The following KIAA1549L variants were observed in gnomAD, a reference collection of about 807,000 sequenced individuals.
KIAA1549L encodes UPF0606 protein KIAA1549L.
A neutral mutation model predicts 160.7 loss-of-function variants in KIAA1549L; 88 were observed. The observed-to-expected ratio is 0.55, with a 90% CI of 0.46 to 0.65. KIAA1549L has a LOEUF of 0.65. Among genes scored for constraint, KIAA1549L ranks in the 30% least tolerant of loss-of-function variants. The probability of loss-of-function intolerance (pLI) is 0.00; values close to 1 mark genes in which losing one functional copy is unlikely to be tolerated. For synonymous variants in KIAA1549L, 950 were observed against 976.7 expected, an observed-to-expected ratio of 0.97 and a Z score of 0.51; for missense variants, 2,258 against 2,437.5, an observed-to-expected ratio of 0.93 and a Z score of 1.55.
chr11:33,620,965 C>A (rs769207932), intron 16 of KIAA1549L, among the ~76,000 whole-genome samples: 1 of 152,114 alleles, frequency 6.6e-6, no homozygotes, highest in Non-Finnish European at 1.5e-5. Context: ...AGCAGTGAGC[C>A]GGTCATTCAA....
intron 13 of KIAA1549L, among the ~76,000 whole-genome samples, chr11:33,601,609 A>T (rs1397647736): frequency 6.6e-6 from 1 of 152,214 alleles, no homozygotes; most frequent in African/African-American, 2.4e-5. Context: ...TTCTGTTGAT[A>T]TGGAATATTC....
At chr11:33,556,069 G>A (rs12361701) in intron 6 of KIAA1549L, among the ~76,000 whole-genome samples, 48,096 of 152,000 alleles carry the variant, frequency 0.32, 7,953 homozygotes, top group Middle Eastern at 0.46. Context: ...GATGCTCTGC[G>A]TCACTAATCA....
intron 16 of KIAA1549L, 37 bp downstream of exon 16, chr11:33,618,699 C>T: frequency 6.6e-7 from 1 of 1,514,510 alleles, no homozygotes; most frequent in South Asian, 1.3e-5. Context: ...ACAAGCTTTC[C>T]TTTCCCCTGA....
At chr11:33,584,586 A>C (rs1565198101) in intron 11 of KIAA1549L, among the ~76,000 whole-genome samples, 1 of 152,244 alleles carries the variant, frequency 6.6e-6, no homozygotes, top group Non-Finnish European at 1.5e-5. Context: ...ATGCTTAAAT[A>C]ATGCCTTACA....
chr11:33,421,607 T>C (rs994710708), intron 1 of KIAA1549L, among the ~76,000 whole-genome samples: 4 of 152,244 alleles, frequency 2.6e-5, no homozygotes, highest in African/African-American at 9.6e-5. Context: ...TGGTCAAACA[T>C]TGAATGTTAG....
chr11:33,398,695 A>C (rs1262181216), intron 1 of KIAA1549L, among the ~76,000 whole-genome samples: 1 of 152,200 alleles, frequency 6.6e-6, no homozygotes, highest in Non-Finnish European at 1.5e-5. Context: ...TAGCCCCAAG[A>C]GTCTAACACA....
At chr11:33,435,594 A>G (rs966296477) in intron 1 of KIAA1549L, among the ~76,000 whole-genome samples, 14 of 151,256 alleles carry the variant, frequency 9.3e-5, no homozygotes, top group African/African-American at 3.4e-4. Flanking sequence ...TCTATAAAAA[A>G]GATCATAGGA....
intron 1 of KIAA1549L, among the ~76,000 whole-genome samples, chr11:33,511,706 A>G (rs1049755690): frequency 6.6e-6 from 1 of 152,190 alleles, no homozygotes; most frequent in Non-Finnish European, 1.5e-5. Flanking sequence ...CATGGATGGA[A>G]TTTCCTTGCA....
rs1441982791 is a variant in KIAA1549L, at chr11:33,670,163, T to C, written c.*2009T>C. 1 of 152,240 alleles carries C rather than the reference T, an allele frequency of 6.6e-6. No individual in the cohort carries two copies. Among genetic ancestry groups the C allele is most frequent in the Admixed American group, 6.5e-5 (1 of 15,290 alleles). The allele number at this position is 152,240 out of a possible 1,614,324, so 9.4% of individuals were successfully genotyped here. ...TATGAGTCTGATAAAATCAGCTACA[T>C]TGTCCTGCTTTATCAATAATAATAT... On this transcript the variant is annotated 3_prime_UTR_variant, in exon 21 of 21. Coordinates refer to ENST00000658780, the MANE Select transcript of KIAA1549L (RefSeq NM_012194.3).
intron 1 of KIAA1549L, among the ~76,000 whole-genome samples, chr11:33,457,086 G>C (rs1159669615): frequency 6.6e-6 from 1 of 152,202 alleles, no homozygotes; most frequent in Admixed American, 6.5e-5. Context: ...GTTACCGGCT[G>C]GGTATGGGGT....
At chr11:33,379,748 A>G (rs759130461) in intron 1 of KIAA1549L, among the ~76,000 whole-genome samples, 6 of 152,236 alleles carry the variant, frequency 3.9e-5, no homozygotes, top group Non-Finnish European at 8.8e-5. Context: ...GGTTCTTGTG[A>G]GGATTACACG....
intron 1 of KIAA1549L, among the ~76,000 whole-genome samples, chr11:33,445,532 T>C (rs943036650): frequency 1.3e-5 from 2 of 152,210 alleles, no homozygotes; most frequent in Admixed American, 1.3e-4. Context: ...GGGCATTGTG[T>C]CCCACGAGGT....
intron 1 of KIAA1549L, among the ~76,000 whole-genome samples, chr11:33,437,087 T>C (rs537549454): frequency 1.3e-4 from 20 of 152,360 alleles, no homozygotes; most frequent in Non-Finnish European, 2.9e-4. Flanking sequence ...TTATAATTTG[T>C]ATTTGTAATA....
At chr11:33,614,975 A>G (rs1390397230) in intron 15 of KIAA1549L, among the ~76,000 whole-genome samples, 1 of 151,756 alleles carries the variant, frequency 6.6e-6, no homozygotes, top group Non-Finnish European at 1.5e-5. Flanking sequence ...TAAATAATAA[A>G]ACCTACCTTT....
chr11:33,399,598 A>G (rs1156403862), intron 1 of KIAA1549L, among the ~76,000 whole-genome samples: 2 of 152,190 alleles, frequency 1.3e-5, no homozygotes, highest in African/African-American at 4.8e-5. Context: ...ATGTCATCCA[A>G]AGGGCCATGG....
At chr11:33,430,328 A>G (rs1342449556) in intron 1 of KIAA1549L, among the ~76,000 whole-genome samples, 1 of 149,960 alleles carries the variant, frequency 6.7e-6, no homozygotes, top group Non-Finnish European at 1.5e-5. Flanking sequence ...GCTTGAACAG[A>G]CTCTTTTCTG....
chr11:33,426,054 T>C (rs935870812), intron 1 of KIAA1549L, among the ~76,000 whole-genome samples: 1 of 152,204 alleles, frequency 6.6e-6, no homozygotes, highest in Non-Finnish European at 1.5e-5. Flanking sequence ...CTAAATGCAA[T>C]GTGGGACCCT....
intron 3 of KIAA1549L, 26 bp downstream of exon 3, chr11:33,545,404 AAGC>A: frequency 1.3e-6 from 2 of 1,581,444 alleles, no homozygotes; most frequent in Non-Finnish European, 1.7e-6. Flanking sequence ...TCTGATCTGA[AAGC>A]AGCAAGCCTG....
In KIAA1549L at chr11:33,551,100, T is replaced by C. The variant is rs761663735; in HGVS notation, c.3562T>C (p.Leu1188=). 3.5e-5 allele frequency: 56 copies of C among 1,613,842 alleles called. No individual in the cohort carries two copies. Among genetic ancestry groups the C allele is most frequent in the Non-Finnish European group, 4.5e-5 (53 of 1,179,864 alleles). ...TGGTTATTATGCTACCAAAGGGAAG[T>C]TGGTGTATTTGCCTGCTGTGGTGAT... ...TVGYYATKGK[L]VYLPAVVIEM... is the part of the protein sequence containing the mutation. Residue 1188 remains leucine (L), a synonymous_variant, in exon 5 of 21, where the codon TTG becomes CTG. Transcript: ENST00000658780.
Sources: allele counts gnomAD v4.1 joint callset (sites outside exome capture counted in the v4.1 genomes callset), GRCh38; gene constraint gnomAD v4.1.1; transcripts MANE v1.5; gene names NCBI Gene and HGNC (gene_info 2026-07-23, HGNC 2026-07-21).